WWC1: variants seen among roughly 807,000 people sequenced by gnomAD.
WWC1 encodes protein KIBRA.
A neutral mutation model predicts 138.4 loss-of-function variants in WWC1; 55 were observed. The ratio of observed to expected loss-of-function variants is 0.40; its 90% CI spans 0.32 to 0.50. The LOEUF is 0.50. Among genes scored for constraint, WWC1 ranks in the 20% least tolerant of loss-of-function variants. The pLI is 0.72. For synonymous variants in WWC1, 524 were observed against 564.9 expected, an observed-to-expected ratio of 0.93 and a Z score of 1.03; for missense variants, 1,226 against 1,420.4, an observed-to-expected ratio of 0.86 and a Z score of 2.20.
chr5:168,412,547 A>G (rs1561727207), intron 8 of WWC1, among the ~76,000 whole-genome samples: 2 of 152,166 alleles, frequency 1.3e-5, no homozygotes, highest in African/African-American at 4.8e-5. Context: ...CGGCCTTACC[A>G]TACCATTTCG....
intron 1 of WWC1, among the ~76,000 whole-genome samples, chr5:168,318,917 G>A (rs972381495): frequency 1.2e-4 from 19 of 152,276 alleles, no homozygotes; most frequent in African/African-American, 4.6e-4. Context: ...GTTGTCGGCT[G>A]TGTCAGAATT....
chr5:168,362,214 G>T (rs1195913608), intron 1 of WWC1, among the ~76,000 whole-genome samples: 1 of 152,216 alleles, frequency 6.6e-6, no homozygotes, highest in Non-Finnish European at 1.5e-5. Context: ...GGTCTGAATG[G>T]TACCTGCCTG....
chr5:168,443,224 G>T (rs1339040553), intron 16 of WWC1, among the ~76,000 whole-genome samples: 2 of 152,152 alleles, frequency 1.3e-5, no homozygotes, highest in Non-Finnish European at 2.9e-5. Flanking sequence ...GATGGGTTGG[G>T]ACATACAGGT....
chr5:168,311,813 G>A (rs912221120), intron 1 of WWC1, among the ~76,000 whole-genome samples: 1 of 151,972 alleles, frequency 6.6e-6, no homozygotes, highest in African/African-American at 2.4e-5. Flanking sequence ...GGAGGCAGAG[G>A]TTGCAGTAAG....
At chr5:168,406,441 C>T in intron 6 of WWC1, 114 bp downstream of exon 6, 1 of 1,439,460 alleles carries the variant, frequency 6.9e-7, no homozygotes, top group South Asian at 1.3e-5. Context: ...GTTCTCATTA[C>T]CAGTCTTCCT....
At chr5:168,409,880 C>A in intron 7 of WWC1, 42 bp from the exon 8 acceptor site, 1 of 1,608,738 alleles carries the variant, frequency 6.2e-7, no homozygotes, top group Non-Finnish European at 8.5e-7. Context: ...CAGCACCGGC[C>A]ACAACAGCCA....
At chr5:168,315,004 G>A (rs977983126) in intron 1 of WWC1, among the ~76,000 whole-genome samples, 9 of 152,154 alleles carry the variant, frequency 5.9e-5, no homozygotes, top group South Asian at 2.1e-4. Flanking sequence ...CACTCAGTCC[G>A]TTGGTGTGAG....
chr5:168,418,585 C>T (rs1223448692), intron 9 of WWC1, among the ~76,000 whole-genome samples: 1 of 152,128 alleles, frequency 6.6e-6, no homozygotes, highest in Non-Finnish European at 1.5e-5. Flanking sequence ...GGCCTCGGCA[C>T]CTGTGCATTG....
intron 20 of WWC1, among the ~76,000 whole-genome samples, chr5:168,462,523 T>C (rs546337201): frequency 5.9e-5 from 9 of 152,316 alleles, no homozygotes; most frequent in African/African-American, 2.2e-4. Flanking sequence ...CAAAGCTCCT[T>C]AGGGGCTTCT....
intron 1 of WWC1, among the ~76,000 whole-genome samples, chr5:168,320,175 C>G (rs538592844): frequency 6.6e-6 from 1 of 152,106 alleles, no homozygotes; most frequent in African/African-American, 2.4e-5. Context: ...GCTGGGATTA[C>G]AGGCGCCCGC....
chr5:168,441,605 C>A, intron 15 of WWC1, 77 bp from the exon 16 acceptor site: 1 of 1,528,006 alleles, frequency 6.5e-7, no homozygotes, highest in South Asian at 1.3e-5. Context: ...TCCATACTGT[C>A]CTCTTGAACC....
chr5:168,307,598 CTTT>C lies in WWC1; in HGVS notation c.119+15344_119+15346del, dbSNP rs35535200. ...GGCGATCAACATCTTTGATTTTACC[CTTT>C]TTTTTTTTTTTTTTTTAAATTGAGA... On this transcript the variant is annotated intron_variant, in intron 1 of 22. Coordinates refer to ENST00000265293, the MANE Select transcript of WWC1 (RefSeq NM_015238.3). 2.0e-3 allele frequency among the ~76,000 whole-genome samples: 260 copies of C among 132,388 alleles called. 1 individual carries two copies. Among genetic ancestry groups the C allele is most frequent in the African/African-American group, 4.6e-3 (158 of 34,544 alleles). The allele number at this position is 132,388 out of a possible 152,430, so 86.9% of individuals were successfully genotyped here. A position where few individuals can be genotyped will look rare whatever the true frequency, so the allele number is the denominator to read the frequency against.
Position 168,471,854 on chromosome 5 carries a change from T to C in WWC1, c.*2837T>C, listed in dbSNP as rs549711201. 3 of 152,366 alleles carry C rather than the reference T, an allele frequency of 2.0e-5. No individual in the cohort carries two copies. The highest frequency in any genetic ancestry group is 7.2e-5 in the African/African-American group (3 of 41,570). 9.4% of individuals were successfully genotyped at this position (152,366 alleles called of 1,614,324 possible). A position where few individuals can be genotyped will look rare whatever the true frequency, so the allele number is the denominator to read the frequency against. ...AGACAGAATGGGGGTGTCCTGGGGA[T>C]CTTGGAGCCTGAATTCATTGGCACA... On this transcript the variant is annotated 3_prime_UTR_variant, in exon 23 of 23. Transcript: ENST00000265293.
intron 1 of WWC1, among the ~76,000 whole-genome samples, chr5:168,298,492 CTT>C (rs1471141897): frequency 6.6e-6 from 1 of 152,126 alleles, no homozygotes; most frequent in Non-Finnish European, 1.5e-5. Context: ...GGCTTTTTAT[CTT>C]TTTCTGAGGC....
At chr5:168,318,213 A>G (rs957271101) in intron 1 of WWC1, among the ~76,000 whole-genome samples, 1 of 152,102 alleles carries the variant, frequency 6.6e-6, no homozygotes, top group Non-Finnish European at 1.5e-5. Flanking sequence ...ACCAGCTCCC[A>G]ATTTTTTATA....
intron 3 of WWC1, among the ~76,000 whole-genome samples, chr5:168,397,017 T>C (rs1322698228): frequency 1.3e-5 from 2 of 152,154 alleles, no homozygotes; most frequent in East Asian, 1.9e-4. Context: ...GATAAAAATA[T>C]AAAGATGATA....
intron 15 of WWC1, among the ~76,000 whole-genome samples, chr5:168,438,862 T>A (rs2152867705): frequency 6.6e-6 from 1 of 152,214 alleles, no homozygotes. Context: ...TTATAGTCAG[T>A]CAGGTTAGTT....
At position 168,459,090 on chromosome 5, in the gene WWC1, C is replaced by CA. The variant is rs539789867; in HGVS notation, c.2824-1554dup. Among the ~76,000 whole-genome samples, 97 of 151,654 alleles carry CA rather than the reference C, an allele frequency of 6.4e-4. 1 individual carries two copies. In the East Asian group the frequency reaches 0.01, roughly 16 times the overall value. On this transcript the variant is annotated intron_variant, in intron 19 of 22. Transcript: ENST00000265293. ...GCAACATGGTGAAACCTTGTCTCTA[C>CA]AAAAAATGCAAAAATTATCCGGGCA...
In WWC1 at chr5:168,465,576, T is replaced by TTTG. The variant is rs1554118704; in HGVS notation, c.3150+614_3150+615insTTG. Among the ~76,000 whole-genome samples the TTTG allele has an allele frequency of 2.6e-3, 354 of 136,204 alleles. 27 individuals are homozygous for TTTG. Among genetic ancestry groups the TTTG allele is most frequent in the African/African-American group, 8.9e-3 (307 of 34,618 alleles). The allele number at this position is 136,204 out of a possible 152,430, so 89.4% of individuals were successfully genotyped here. On this transcript the variant is annotated intron_variant, in intron 21 of 22. Coordinates refer to ENST00000265293, the MANE Select transcript of WWC1 (RefSeq NM_015238.3). ...TTTTTTTTTTTTTTTTTTTTTTTTT[T>TTTG]GGAGATGGGTTTTCTCTCTGTCGCC... is the stretch of plus-strand genomic sequence containing the variant.
Sources: allele counts gnomAD v4.1 joint callset (sites outside exome capture counted in the v4.1 genomes callset), GRCh38; gene constraint gnomAD v4.1.1; transcripts MANE v1.5; gene names NCBI Gene and HGNC (gene_info 2026-07-23, HGNC 2026-07-21).